KCND2: variants seen among roughly 807,000 people sequenced by gnomAD.
KCND2 encodes potassium voltage-gated channel subfamily D member 2, also known as A-type voltage-gated potassium channel KCND2.
A neutral mutation model predicts 54.4 loss-of-function variants in KCND2; 16 were observed. That is an observed-to-expected ratio of 0.29 (90% CI 0.20 to 0.45). The LOEUF (loss-of-function observed/expected upper bound fraction) is 0.45, where lower values mean the gene tolerates loss of function less well. Among genes scored for constraint, KCND2 ranks in the 20% least tolerant of loss-of-function variants. The pLI is 1.00. For missense variants in KCND2, 486 were observed against 824.2 expected (o/e 0.59, Z 5.02); for synonymous variants, 317 against 310.7 (o/e 1.02, Z -0.21).
chr7:120,686,503 A>C (rs896340800), intron 1 of KCND2, among the ~76,000 whole-genome samples: 4 of 152,174 alleles, frequency 2.6e-5, no homozygotes, highest in African/African-American at 9.7e-5. Context: ...ATGGAGAGGC[A>C]TAAGACAGAG....
In KCND2 at chr7:120,424,559, A is replaced by G. The variant is rs534426161; in HGVS notation, c.1115+148812A>G. On this transcript the variant is annotated intron_variant, in intron 1 of 5. Transcript: ENST00000331113. The stretch of plus-strand genomic sequence containing the variant: ...CGTAAACCTAGTTCTAGAAGCCAAG[A>G]ACAGATTTTGTAGGAAAAAAGACAT... 1.8e-4 allele frequency among the ~76,000 whole-genome samples: 28 copies of G among 152,326 alleles called. No homozygotes were observed. The South Asian group carries it at 1.9e-3, about 10-fold the overall frequency.
At chr7:120,310,866 T>G (rs904537927) in intron 1 of KCND2, among the ~76,000 whole-genome samples, 3 of 150,726 alleles carry the variant, frequency 2.0e-5, no homozygotes, top group African/African-American at 4.9e-5. Flanking sequence ...TACCTGGGAG[T>G]TGGAGGTTGC....
At chr7:120,560,049 G>GAAATCA (rs772947421) in intron 1 of KCND2, among the ~76,000 whole-genome samples, 14 of 152,102 alleles carry the variant, frequency 9.2e-5, no homozygotes, top group Non-Finnish European at 1.6e-4. Context: ...TTTCTCTACT[G>GAAATCA]AAATCATAAT....
At chr7:120,710,407 T>G (rs189301347) in intron 1 of KCND2, among the ~76,000 whole-genome samples, 1 of 152,150 alleles carries the variant, frequency 6.6e-6, no homozygotes, top group African/African-American at 2.4e-5. Flanking sequence ...ATTATTGAAA[T>G]TGAACAAAAG....
At chr7:120,699,413 G>T (rs1792373241) in intron 1 of KCND2, among the ~76,000 whole-genome samples, 1 of 152,122 alleles carries the variant, frequency 6.6e-6, no homozygotes, top group Non-Finnish European at 1.5e-5. Flanking sequence ...AGTCACTGTG[G>T]TAGGACCCAA....
At position 120,441,031 on chromosome 7, in the gene KCND2, A is replaced by G. The variant is rs540947192; in HGVS notation, c.1115+165284A>G. On this transcript the variant is annotated intron_variant, in intron 1 of 5. Transcript: ENST00000331113. ...TGGGTACATGAAAATAGAACAATGCAAGAACACCTCACATTACCATCACAA... is the reference window on the plus strand; with the variant it reads ...TGGGTACATGAAAATAGAACAATGCGAGAACACCTCACATTACCATCACAA... 2.6e-5 allele frequency among the ~76,000 whole-genome samples: 4 copies of G among 152,168 alleles called. No homozygotes were observed. The East Asian group carries it at 7.7e-4, about 29-fold the overall frequency.
chr7:120,643,012 T>C (rs559784260), intron 1 of KCND2, among the ~76,000 whole-genome samples: 10 of 152,328 alleles, frequency 6.6e-5, no homozygotes, highest in East Asian at 1.9e-4. Context: ...TATTATTCCA[T>C]TGGATTTGTC....
At chr7:120,387,746 T>C (rs1162007432) in intron 1 of KCND2, among the ~76,000 whole-genome samples, 1 of 152,090 alleles carries the variant, frequency 6.6e-6, no homozygotes, top group Admixed American at 6.6e-5. Flanking sequence ...AGTGGTGAAA[T>C]TTTGTTTCAG....
chr7:120,318,607 G>T (rs1039856400), intron 1 of KCND2, among the ~76,000 whole-genome samples: 3 of 152,052 alleles, frequency 2.0e-5, no homozygotes, highest in Non-Finnish European at 4.4e-5. Context: ...ACTCCATGGT[G>T]TTCTAAATCC....
At chr7:120,594,151 A>T (rs1431990420) in intron 1 of KCND2, among the ~76,000 whole-genome samples, 1 of 152,212 alleles carries the variant, frequency 6.6e-6, no homozygotes, top group East Asian at 1.9e-4. Context: ...TTCAAAATAG[A>T]CTTAGAGATC....
intron 1 of KCND2, among the ~76,000 whole-genome samples, chr7:120,572,842 A>G (rs1433921548): frequency 6.6e-6 from 1 of 152,224 alleles, no homozygotes. Flanking sequence ...CATAATCTAT[A>G]TAACCAGTTT....
chr7:120,374,678 A>C (rs1475650688), intron 1 of KCND2, among the ~76,000 whole-genome samples: 1 of 151,816 alleles, frequency 6.6e-6, no homozygotes, highest in Non-Finnish European at 1.5e-5. Context: ...GTCCTTCTTC[A>C]TGTGGCTTTG....
At chr7:120,479,861 G>T (rs925669684) in intron 1 of KCND2, among the ~76,000 whole-genome samples, 2 of 148,480 alleles carry the variant, frequency 1.3e-5, no homozygotes, top group Non-Finnish European at 3.0e-5. Context: ...CCCAGCTATC[G>T]GTGGCTGAAG....
chr7:120,318,834 A>G (rs1584727971), intron 1 of KCND2, among the ~76,000 whole-genome samples: 3 of 152,226 alleles, frequency 2.0e-5, no homozygotes. Flanking sequence ...GATCTTTGGA[A>G]CAATGCATTA....
At chr7:120,303,918 A>G (rs1799617290) in intron 1 of KCND2, among the ~76,000 whole-genome samples, 1 of 152,186 alleles carries the variant, frequency 6.6e-6, no homozygotes, top group South Asian at 2.1e-4. Flanking sequence ...ACACATGTAC[A>G]ACATTTAGCC....
chr7:120,669,905 C>T lies in KCND2; in HGVS notation c.1116-62998C>T, dbSNP rs531724662. On this transcript the variant is annotated intron_variant, in intron 1 of 5. Transcript: ENST00000331113. ...GCTAGAGGGAGGGTACACATTCACT[C>T]TTAATGGAATCTGTTTCAAAAGATG... is the stretch of plus-strand genomic sequence containing the variant. Among the ~76,000 whole-genome samples, 188 of 152,156 alleles carry T rather than the reference C, an allele frequency of 1.2e-3. 2 individuals carry two copies. The highest frequency in any genetic ancestry group is 4.0e-3 in the African/African-American group (167 of 41,518).
intron 1 of KCND2, among the ~76,000 whole-genome samples, chr7:120,628,693 C>A (rs1050126554): frequency 1.3e-5 from 2 of 152,110 alleles, no homozygotes; most frequent in Admixed American, 6.5e-5. Context: ...CCCTTATGTG[C>A]CTAGGAATTC....
At chr7:120,408,237 A>G (rs752534291) in intron 1 of KCND2, among the ~76,000 whole-genome samples, 7 of 151,992 alleles carry the variant, frequency 4.6e-5, no homozygotes, top group Non-Finnish European at 7.4e-5. Flanking sequence ...TTTGGAGAAC[A>G]AAAGAGGAGC....
intron 1 of KCND2, among the ~76,000 whole-genome samples, chr7:120,342,737 A>T (rs931771133): frequency 5.9e-5 from 9 of 152,292 alleles, no homozygotes; most frequent in African/African-American, 2.2e-4. Flanking sequence ...AGAGTATTTT[A>T]TGAATAATAG....
Sources: allele counts gnomAD v4.1 joint callset (sites outside exome capture counted in the v4.1 genomes callset), GRCh38; gene constraint gnomAD v4.1.1; transcripts MANE v1.5; gene names NCBI Gene and HGNC (gene_info 2026-07-23, HGNC 2026-07-21).